The following MTHFD2L variants were observed in gnomAD, a reference collection of about 807,000 sequenced individuals.
MTHFD2L encodes methylenetetrahydrofolate dehydrogenase (NADP+ dependent) 2 like.
In MTHFD2L, 29 loss-of-function variants were observed where a neutral mutation model predicts 34.9. The ratio of observed to expected loss-of-function variants is 0.83; its 90% CI spans 0.62 to 1.13. The LOEUF is 1.13. Ranked by LOEUF, MTHFD2L falls within the 50% of genes most tolerant of loss-of-function variation. MTHFD2L has a pLI of 0.00. For missense variants in MTHFD2L, 481 were observed against 446.5 expected, an observed-to-expected ratio of 1.08 and a Z score of -0.70; for synonymous variants, 167 against 155.7, an observed-to-expected ratio of 1.07 and a Z score of -0.54.
chr4:74,248,845 A>G (rs1742879421), intron 6 of MTHFD2L, among the ~76,000 whole-genome samples: 2 of 151,636 alleles, frequency 1.3e-5, no homozygotes, highest in Non-Finnish European at 3.0e-5. Flanking sequence ...GGTCTGAGAG[A>G]CAGTTTGTTA....
chr4:74,140,574 G>T (rs900810667), intron 1 of MTHFD2L: 2 of 977,088 alleles, frequency 2.0e-6, no homozygotes, highest in Non-Finnish European at 2.4e-6. Flanking sequence ...CTACAAAAAA[G>T]GCAATATAAT....
chr4:74,290,494 A>G (rs1253820852), intron 7 of MTHFD2L, among the ~76,000 whole-genome samples: 1 of 152,154 alleles, frequency 6.6e-6, no homozygotes, highest in Non-Finnish European at 1.5e-5. Context: ...AAATCATTTC[A>G]CCACTCTGAG....
intron 6 of MTHFD2L, among the ~76,000 whole-genome samples, chr4:74,250,669 T>G (rs1285159382): frequency 6.6e-6 from 1 of 152,230 alleles, no homozygotes; most frequent in African/African-American, 2.4e-5. Context: ...GCACCTTTGC[T>G]AATGATATTT....
chr4:74,204,432 A>G (rs1188558479), intron 5 of MTHFD2L, among the ~76,000 whole-genome samples: 2 of 152,162 alleles, frequency 1.3e-5, no homozygotes, highest in African/African-American at 2.4e-5. Context: ...GTGAAGTAAC[A>G]TGATCTGAGA....
intron 4 of MTHFD2L, among the ~76,000 whole-genome samples, chr4:74,200,472 T>C (rs1339216785): frequency 6.6e-6 from 1 of 152,218 alleles, no homozygotes; most frequent in African/African-American, 2.4e-5. Context: ...GTAAACTTCA[T>C]GCATTTTGAT....
chr4:74,177,806 A>G (rs1373783918), intron 3 of MTHFD2L, among the ~76,000 whole-genome samples: 2 of 151,960 alleles, frequency 1.3e-5, no homozygotes, highest in African/African-American at 2.4e-5. Context: ...TCCTAAAGTA[A>G]TGCTGCACAT....
intron 6 of MTHFD2L, among the ~76,000 whole-genome samples, chr4:74,253,470 TAGAG>T (rs1285487570): frequency 6.6e-6 from 1 of 152,036 alleles, no homozygotes; most frequent in Non-Finnish European, 1.5e-5. Context: ...AAAGGCAAAT[TAGAG>T]AGTATAGGAA....
chr4:74,159,694 CTT>C (rs1367807615), intron 1 of MTHFD2L, among the ~76,000 whole-genome samples: 1 of 152,182 alleles, frequency 6.6e-6, no homozygotes, highest in African/African-American at 2.4e-5. Flanking sequence ...GAATTCAAAA[CTT>C]TTAAGTTACA....
At chr4:74,215,950 C>T (rs1323926069) in intron 5 of MTHFD2L, among the ~76,000 whole-genome samples, 2 of 150,666 alleles carry the variant, frequency 1.3e-5, no homozygotes, top group African/African-American at 5.0e-5. Flanking sequence ...TAATTTTATC[C>T]TGAGAGCTTG....
rs541396959 is a variant in MTHFD2L, at chr4:74,246,732, G to A, written c.805+21338G>A. On this transcript the variant is annotated intron_variant, in intron 6 of 7. Transcript: ENST00000325278. Reference sequence around the variant, plus strand: ...TTTTCCCAGCACCATTTATTAAATAGGGAATCCTTTCCCCATTGCTTGTTT... The same window carrying A: ...TTTTCCCAGCACCATTTATTAAATAAGGAATCCTTTCCCCATTGCTTGTTT... Among the ~76,000 whole-genome samples, 11 of 152,254 alleles carry A rather than the reference G, an allele frequency of 7.2e-5. No homozygotes were observed. The South Asian group carries it at 2.3e-3, about 32-fold the overall frequency.
intron 3 of MTHFD2L, among the ~76,000 whole-genome samples, chr4:74,176,579 G>T (rs1324712813): frequency 6.6e-6 from 1 of 152,028 alleles, no homozygotes; most frequent in East Asian, 1.9e-4. Flanking sequence ...TAAATGTGCA[G>T]TGACCAATCA....
upstream of MTHFD2L, among the ~76,000 whole-genome samples, chr4:74,121,878 G>A (rs1267998291): frequency 2.0e-5 from 3 of 151,764 alleles, no homozygotes; most frequent in East Asian, 3.9e-4. Context: ...AAAGGTTGGG[G>A]GCCATTGCAT....
intron 3 of MTHFD2L, chr4:74,194,458 AGTT>A (rs997810157): frequency 6.6e-6 from 1 of 151,756 alleles, no homozygotes; most frequent in Non-Finnish European, 1.5e-5. Flanking sequence ...TTTTTCAGAT[AGTT>A]GTTTTTGTAT....
At chr4:74,215,135 G>T (rs1736979285) in intron 5 of MTHFD2L, among the ~76,000 whole-genome samples, 1 of 151,770 alleles carries the variant, frequency 6.6e-6, no homozygotes. Flanking sequence ...TTAGCTTGCT[G>T]GGCTCTGTAG....
At chr4:74,280,978 C>T (rs991082367) in intron 6 of MTHFD2L, among the ~76,000 whole-genome samples, 3 of 151,796 alleles carry the variant, frequency 2.0e-5, no homozygotes, top group Non-Finnish European at 4.4e-5. Context: ...TTTCCCCCTC[C>T]CTTCCTTTCT....
At chr4:74,249,916 T>C (rs1743062554) in intron 6 of MTHFD2L, among the ~76,000 whole-genome samples, 1 of 152,230 alleles carries the variant, frequency 6.6e-6, no homozygotes, top group Admixed American at 6.5e-5. Flanking sequence ...CCTTAACATT[T>C]TTCCTTCATT....
intron 1 of MTHFD2L, among the ~76,000 whole-genome samples, chr4:74,135,371 C>G (rs893976441): frequency 6.6e-6 from 1 of 152,056 alleles, no homozygotes; most frequent in Non-Finnish European, 1.5e-5. Flanking sequence ...CAATTAGGAA[C>G]CATTACATGC....
intron 6 of MTHFD2L, among the ~76,000 whole-genome samples, chr4:74,238,565 T>C (rs1389252716): frequency 6.6e-6 from 1 of 152,058 alleles, no homozygotes; most frequent in African/African-American, 2.4e-5. Context: ...ACCTACAGAA[T>C]GGGAGAAAAT....
chr4:74,201,132 A>G lies in MTHFD2L; in HGVS notation c.605-131A>G, dbSNP rs1220097565. 1.8e-5 allele frequency: 11 copies of G among 607,618 alleles called. No individual in the cohort carries two copies. The Admixed American group carries it at 2.1e-4, about 12-fold the overall frequency. 37.6% of individuals were successfully genotyped at this position (607,618 alleles called of 1,614,324 possible). On this transcript the variant is annotated intron_variant, in intron 4 of 7. Transcript: ENST00000325278. ...ATTTATAAATAATGAATGTGCTCAT[A>G]TTATAGATAAGCCACATAATAATTC... is the stretch of plus-strand genomic sequence containing the variant.
Sources: gnomAD v4.1 joint callset for allele counts (sites outside exome capture counted in the v4.1 genomes callset) on GRCh38, gnomAD v4.1.1 for gene constraint, MANE v1.5 for transcripts, NCBI Gene and HGNC (gene_info 2026-07-23, HGNC 2026-07-21) for gene names.